PRKCZ: variants seen among roughly 807,000 people sequenced by gnomAD.
PRKCZ encodes the protein protein kinase C zeta, also known as protein kinase C zeta type.
A neutral mutation model predicts 79.5 loss-of-function variants in PRKCZ; 33 were observed. The ratio of observed to expected loss-of-function variants is 0.41; its 90% CI spans 0.31 to 0.55. The LOEUF (loss-of-function observed/expected upper bound fraction) is 0.55. Ranked by LOEUF, PRKCZ falls within the 20% of genes least tolerant of loss-of-function variation. The pLI, the probability that PRKCZ is intolerant of heterozygous loss-of-function variation, is 0.19. For missense variants in PRKCZ, 578 were observed against 813.5 expected, an observed-to-expected ratio of 0.71 and a Z score of 3.52; for synonymous variants, 342 against 320.9, an observed-to-expected ratio of 1.07 and a Z score of -0.70.
chr1:2,054,771 G>A (rs112804010), intron 1 of PRKCZ, among the ~76,000 whole-genome samples: 15 of 152,172 alleles, frequency 9.9e-5, no homozygotes, highest in African/African-American at 2.4e-4. Flanking sequence ...GACCCGGCTC[G>A]CGCCCATCCC....
At chr1:2,072,402 TGA>T (rs1557494074) in intron 4 of PRKCZ, among the ~76,000 whole-genome samples, 1 of 152,250 alleles carries the variant, frequency 6.6e-6, no homozygotes, top group Non-Finnish European at 1.5e-5. Context: ...ACTCAGCTTC[TGA>T]GAGGAGACCT....
chr1:2,123,889 G>T (rs1422316675), intron 4 of PRKCZ, among the ~76,000 whole-genome samples: 2 of 10,874 alleles, frequency 1.8e-4, no homozygotes, highest in African/African-American at 1.1e-3. Context: ...GGGTCACGGC[G>T]GCGGTTAGGG....
chr1:2,126,985 A>G (rs2102949096), intron 4 of PRKCZ, among the ~76,000 whole-genome samples: 1 of 152,282 alleles, frequency 6.6e-6, no homozygotes, highest in Admixed American at 6.5e-5. Context: ...CCACGTGCCT[A>G]GACGTGAGAG....
Position 2,126,530 on chromosome 1 carries a change from G to A in PRKCZ, c.335-8732G>A, listed in dbSNP as rs552444957. Reference sequence around the variant, plus strand: ...GCCCACCCCCCTCCAGCCTGATTGCGTGTCTCAGTCACATGACCGCCCTGG... The same window carrying A: ...GCCCACCCCCCTCCAGCCTGATTGCATGTCTCAGTCACATGACCGCCCTGG... On this transcript the variant is annotated intron_variant, in intron 4 of 17. Coordinates refer to ENST00000378567, the MANE Select transcript of PRKCZ (RefSeq NM_002744.6). Among the ~76,000 whole-genome samples the A allele has an allele frequency of 3.3e-5, 5 of 152,036 alleles. No individual in the cohort carries two copies. In the South Asian group the frequency reaches 6.2e-4, roughly 19 times the overall value.
chr1:2,177,514 G>A lies in PRKCZ; in HGVS notation c.1575+2201G>A, dbSNP rs1685718199. Among the ~76,000 whole-genome samples, 2 of 152,210 alleles carry A rather than the reference G, an allele frequency of 1.3e-5. No individual in the cohort carries two copies. Among genetic ancestry groups the A allele is most frequent in the Non-Finnish European group, 2.9e-5 (2 of 68,038 alleles). ...TGGTTTACCGGGAGTGGACAGATGA[G>A]GACAGATGGCTGCCTGTGGAGTGAC... On this transcript the variant is annotated intron_variant, in intron 16 of 17. Coordinates refer to ENST00000378567, the MANE Select transcript of PRKCZ (RefSeq NM_002744.6). This position sits in a 1 kb window ranked among gnomAD's most constrained non-coding sequence, Gnocchi z 6.4.
intron 4 of PRKCZ, among the ~76,000 whole-genome samples, chr1:2,105,070 G>A (rs749740196): frequency 2.0e-5 from 3 of 152,154 alleles, no homozygotes; most frequent in Non-Finnish European, 4.4e-5. Flanking sequence ...TGTTGAGAAC[G>A]AGTAACCCCT....
intron 4 of PRKCZ, among the ~76,000 whole-genome samples, chr1:2,060,818 GGGCGGGGAGGCTTTGGAGGCAGGT>G (rs1005545778): frequency 1.3e-5 from 2 of 152,288 alleles, no homozygotes; most frequent in Non-Finnish European, 2.9e-5. Context: ...AGGAGGCAGG[GGGCGGGGAGGCTTTGGAGGCAGGT>G]GGCCAGACGG....
intron 4 of PRKCZ, among the ~76,000 whole-genome samples, chr1:2,130,960 A>G (rs1369595386): frequency 6.6e-6 from 1 of 152,080 alleles, no homozygotes; most frequent in East Asian, 1.9e-4. Context: ...CTCCACACAC[A>G]GCAGTACTCC....
intron 4 of PRKCZ, among the ~76,000 whole-genome samples, chr1:2,095,045 G>A (rs1334363124): frequency 2.0e-5 from 3 of 152,112 alleles, no homozygotes; most frequent in Non-Finnish European, 4.4e-5. Flanking sequence ...GTGCTGCTCC[G>A]CCACACCCCA....
At chr1:2,142,679 T>C in intron 5 of PRKCZ, 1 of 165,332 alleles carries the variant, frequency 6.0e-6, no homozygotes, top group Admixed American at 6.1e-5. Context: ...AGTCGGCTCC[T>C]TTTTCCTGTG....
rs544669347 is a variant in PRKCZ, at chr1:2,149,592, G to A, written c.687+668G>A. Among the ~76,000 whole-genome samples the A allele has an allele frequency of 2.6e-5, 4 of 152,302 alleles. No homozygotes were observed. Among genetic ancestry groups the A allele is most frequent in the South Asian group, 2.1e-4 (1 of 4,826 alleles). Reference sequence around the variant, plus strand: ...AGCAGAATCTGAGGCTGAGCACGGCGACTCACACCTCCAATCCCAGCATTT... The same window carrying A: ...AGCAGAATCTGAGGCTGAGCACGGCAACTCACACCTCCAATCCCAGCATTT... On this transcript the variant is annotated intron_variant, in intron 8 of 17. Coordinates refer to ENST00000378567, the MANE Select transcript of PRKCZ (RefSeq NM_002744.6). This position sits in a 1 kb window ranked among gnomAD's most constrained non-coding sequence, Gnocchi z 4.1.
At chr1:2,112,696 T>G (rs373698257) in intron 4 of PRKCZ, among the ~76,000 whole-genome samples, 35,563 of 151,546 alleles carry the variant, frequency 0.23, 4,783 homozygotes, top group Admixed American at 0.33. Context: ...GGTTGGTTTT[T>G]TTTTTTTTTG....
At chr1:2,133,208 C>T (rs1395716231) in intron 4 of PRKCZ, among the ~76,000 whole-genome samples, 2 of 152,208 alleles carry the variant, frequency 1.3e-5, no homozygotes, top group Admixed American at 6.5e-5. Context: ...CCAGCTTCGA[C>T]CCCCAGCTGT....
At chr1:2,133,530 C>T (rs1675460628) in intron 4 of PRKCZ, 1 of 145,186 alleles carries the variant, frequency 6.9e-6, no homozygotes, top group South Asian at 2.1e-4. Flanking sequence ...CTTGGTTCCA[C>T]CCCCCCCAGC....
At chr1:2,069,771 G>A (rs1212759084) in intron 4 of PRKCZ, among the ~76,000 whole-genome samples, 1 of 152,186 alleles carries the variant, frequency 6.6e-6, no homozygotes, top group Non-Finnish European at 1.5e-5. Context: ...GGAGGGAGGG[G>A]TGGATGCTAT....
chr1:2,169,368 T>C, intron 10 of PRKCZ, 150 bp from the exon 11 acceptor site: 1 of 722,454 alleles, frequency 1.4e-6, no homozygotes, highest in Non-Finnish European at 2.5e-6. Context: ...CCCTCTCTGC[T>C]GCCAGGGTGC....
Position 2,082,129 on chromosome 1 carries a change from C to A in PRKCZ, c.334+22538C>A. On this transcript the variant is annotated intron_variant, in intron 4 of 17. Transcript: ENST00000378567. This position sits in a 1 kb window ranked among gnomAD's most constrained non-coding sequence, Gnocchi z 4.4. Reference sequence around the variant, plus strand: ...CTAAGTGTCTTTCCACACGGCCATCCGAGGGCGGACGTGGTCAGGGGTGCT... The same window carrying A: ...CTAAGTGTCTTTCCACACGGCCATCAGAGGGCGGACGTGGTCAGGGGTGCT... 3.1e-6 allele frequency: 1 copy of A among 323,006 alleles called. No homozygotes were observed. Among genetic ancestry groups the A allele is most frequent in the Middle Eastern group, 1.1e-3 (1 of 878 alleles). 20.0% of individuals were successfully genotyped at this position (323,006 alleles called of 1,614,324 possible). A position where few individuals can be genotyped will look rare whatever the true frequency, so the allele number is the denominator to read the frequency against.
intron 5 of PRKCZ, among the ~76,000 whole-genome samples, chr1:2,136,756 A>G (rs1299881168): frequency 6.6e-6 from 1 of 152,132 alleles, no homozygotes; most frequent in African/African-American, 2.4e-5. Context: ...TCCGCACCCC[A>G]GCCCACCCTG....
rs1044910895 is a variant in PRKCZ at position 2,094,330 on chromosome 1, C to T, written c.334+34739C>T. Reference sequence around the variant, plus strand: ...GGTGCCTGGGATGCTGTGTGGTGCCCGTGGGCAGTGGCGGAGGCAGTGGCC... The same window carrying T: ...GGTGCCTGGGATGCTGTGTGGTGCCTGTGGGCAGTGGCGGAGGCAGTGGCC... On this transcript the variant is annotated intron_variant, in intron 4 of 17. Transcript: ENST00000378567. This position sits in a 1 kb window ranked among gnomAD's most constrained non-coding sequence, Gnocchi z 7.3. Among the ~76,000 whole-genome samples the T allele has an allele frequency of 2.0e-5, 3 of 152,168 alleles. No individual in the cohort carries two copies. The highest frequency in any genetic ancestry group is 1.9e-4 in the East Asian group (1 of 5,184).
Sources: gnomAD v4.1 joint callset for allele counts (sites outside exome capture counted in the v4.1 genomes callset) on GRCh38, gnomAD v4.1.1 for gene constraint, Gnocchi (gnomAD v3.1) non-coding constraint, MANE v1.5 for transcripts, NCBI Gene and HGNC (gene_info 2026-07-23, HGNC 2026-07-21) for gene names.